Variants in PCDHGB2 observed in about 807,000 individuals in gnomAD.
PCDHGB2 encodes protocadherin gamma subfamily B, 2.
Under a neutral mutation model 59.3 loss-of-function variants are expected in PCDHGB2, and 55 were observed. The ratio of observed to expected loss-of-function variants is 0.93; its 90% confidence interval spans 0.75 to 1.16. The LOEUF (loss-of-function observed/expected upper bound fraction) is 1.16. Among genes scored for constraint, PCDHGB2 ranks in the 50% most tolerant of loss-of-function variants. The probability of loss-of-function intolerance (pLI) is 0.00; values close to 1 mark genes in which losing one functional copy is unlikely to be tolerated. For synonymous variants in PCDHGB2, 516 were observed against 512.0 expected (o/e 1.01, Z -0.11); for missense variants, 1,228 against 1,198.5 (o/e 1.02, Z -0.36).
Position 141,422,774 on chromosome 5 carries a change from A to G in PCDHGB2, c.2421+60218A>G, listed in dbSNP as rs372343628. On this transcript the variant is annotated intron_variant, in intron 1 of 3. Coordinates refer to ENST00000522605, the MANE Select transcript of PCDHGB2 (RefSeq NM_018923.3). ...ATTAACTCCAACACTGGTGTTCTCT[A>G]TGCCCTACAATCCTTCGACTATGAG... 100 of 1,613,880 alleles carry G rather than the reference A, an allele frequency of 6.2e-5. 1 individual carries two copies. In the Middle Eastern group the frequency reaches 1.3e-3, roughly 21 times the overall value.
intron 1 of PCDHGB2, among the ~76,000 whole-genome samples, chr5:141,368,347 A>C (rs1019571086): frequency 1.3e-5 from 2 of 152,112 alleles, no homozygotes; most frequent in Non-Finnish European, 2.9e-5. Context: ...ATACATATAC[A>C]CACACATATA....
intron 1 of PCDHGB2, chr5:141,394,860 G>C (rs750446579): frequency 5.0e-6 from 8 of 1,613,674 alleles, no homozygotes; most frequent in Non-Finnish European, 5.9e-6. Flanking sequence ...GCCTTCGGTC[G>C]ACCCGAACGA....
chr5:141,507,735 C>T (rs942364858), intron 3 of PCDHGB2, among the ~76,000 whole-genome samples: 3 of 152,268 alleles, frequency 2.0e-5, no homozygotes, highest in Non-Finnish European at 2.9e-5. Flanking sequence ...TCATGCAGCT[C>T]GTTCCCCTGT....
In PCDHGB2 at chr5:141,489,335, G is replaced by A. The variant is rs138015049; in HGVS notation, c.2422-5472G>A. The A allele has an allele frequency of 8.2e-5, 132 of 1,607,244 alleles. No individual in the cohort carries two copies. The African/African-American group carries it at 1.5e-3, about 18-fold the overall frequency. On this transcript the variant is annotated intron_variant, in intron 1 of 3. Transcript: ENST00000522605. This position sits in a 1 kb window ranked among gnomAD's most constrained non-coding sequence, Gnocchi z 4.5. ...TGGGGCTGGGTGTCTGGGCAGCTTC[G>A]TTACTCAGTGGTGGAGGAGTCTGAG...
At chr5:141,405,649 T>C (rs954605890) in intron 1 of PCDHGB2, 14 of 527,576 alleles carry the variant, frequency 2.7e-5, no homozygotes, top group Non-Finnish European at 6.7e-6. Flanking sequence ...TAATTTTTTG[T>C]GTGTTTTTAG....
Position 141,490,345 on chromosome 5 carries a change from G to C in PCDHGB2, c.2422-4462G>C, listed in dbSNP as rs2099698831. On this transcript the variant is annotated intron_variant, in intron 1 of 3. Coordinates refer to ENST00000522605, the MANE Select transcript of PCDHGB2 (RefSeq NM_018923.3). This position sits in a 1 kb window ranked among gnomAD's most constrained non-coding sequence, Gnocchi z 5.4. ...AGAGAGCACACCAGTGGGCACAGTA[G>C]TGGGGTTGTTTAATGTGCGAGACCG... is the stretch of plus-strand genomic sequence containing the variant. 1 of 1,614,216 alleles carries C rather than the reference G, an allele frequency of 6.2e-7. No homozygotes were observed. Among genetic ancestry groups the C allele is most frequent in the Non-Finnish European group, 8.5e-7 (1 of 1,180,034 alleles).
chr5:141,432,610 C>T lies in PCDHGB2; in HGVS notation c.2422-62197C>T, dbSNP rs1481968343. 9.3e-6 allele frequency: 15 copies of T among 1,613,954 alleles called. No homozygotes were observed. Among genetic ancestry groups the T allele is most frequent in the Non-Finnish European group, 1.3e-5 (15 of 1,179,978 alleles). On this transcript the variant is annotated intron_variant, in intron 1 of 3. Transcript: ENST00000522605. This position sits in a 1 kb window ranked among gnomAD's most constrained non-coding sequence, Gnocchi z 6.0. The stretch of plus-strand genomic sequence containing the variant: ...TCAAGGCCAGCGAGCCGGGACTCTT[C>T]TCGGTGGGTCTGCACACGGGCGAGG...
chr5:141,498,390 T>C (rs2099783500), intron 2 of PCDHGB2, among the ~76,000 whole-genome samples: 1 of 151,982 alleles, frequency 6.6e-6, no homozygotes, highest in Non-Finnish European at 1.5e-5. Context: ...ATCAAGGGAA[T>C]GGCAGGGAGT....
At position 141,438,243 on chromosome 5, in the gene PCDHGB2, A is replaced by C. The variant is rs1445738408; in HGVS notation, c.2422-56564A>C. ...TGGTTCAGGAAAATGTTTTTAAAAA[A>C]CTGTCATTGAAGAGACCATAGAATC... On this transcript the variant is annotated intron_variant, in intron 1 of 3. Coordinates refer to ENST00000522605, the MANE Select transcript of PCDHGB2 (RefSeq NM_018923.3). Among the ~76,000 whole-genome samples, 3 of 152,250 alleles carry C rather than the reference A, an allele frequency of 2.0e-5. No individual in the cohort carries two copies. In the East Asian group the frequency reaches 5.8e-4, roughly 29 times the overall value.
chr5:141,503,212 C>G (rs1227936455), intron 2 of PCDHGB2, among the ~76,000 whole-genome samples: 1 of 152,074 alleles, frequency 6.6e-6, no homozygotes, highest in African/African-American at 2.4e-5. Flanking sequence ...CAGTGCCCAC[C>G]ATGAGCACCG....
intron 3 of PCDHGB2, among the ~76,000 whole-genome samples, chr5:141,509,745 T>C (rs1456852988): frequency 6.6e-6 from 1 of 152,186 alleles, no homozygotes; most frequent in East Asian, 1.9e-4. Context: ...TCTGAGCCTG[T>C]GCCTAAAGTG....
rs1212478322 is a variant in PCDHGB2 at position 141,485,871 on chromosome 5, T to G, written c.2422-8936T>G. ...ACCGCAGAGCTCCGGGTATCCGTGC[T>G]GGACGTAAACGACAACGCCCCAGCC... On this transcript the variant is annotated intron_variant, in intron 1 of 3. Coordinates refer to ENST00000522605, the MANE Select transcript of PCDHGB2 (RefSeq NM_018923.3). The surrounding 1 kb of genome is among the most constrained non-coding windows in gnomAD (Gnocchi z 5.7). 6.2e-7 allele frequency: 1 copy of G among 1,614,196 alleles called. No homozygotes were observed. The highest frequency in any genetic ancestry group is 8.5e-7 in the Non-Finnish European group (1 of 1,180,032).
Position 141,374,740 on chromosome 5 carries a change from C to T in PCDHGB2, c.2421+12184C>T, listed in dbSNP as rs1337639511. On this transcript the variant is annotated intron_variant, in intron 1 of 3. Transcript: ENST00000522605. ...TCCTTACTGCCATGGATGGCGGCGA[C>T]CCTGTCCGCTCAAGCGTCGCCCAAA... 7 of 1,611,592 alleles carry T rather than the reference C, an allele frequency of 4.3e-6. No homozygotes were observed. In the South Asian group the frequency reaches 6.6e-5, roughly 15 times the overall value.
At chr5:141,386,253 A>G (rs539545859) in intron 1 of PCDHGB2, among the ~76,000 whole-genome samples, 1 of 152,364 alleles carries the variant, frequency 6.6e-6, no homozygotes, top group Admixed American at 6.5e-5. Context: ...AAATAACCCA[A>G]TCTGGGATTA....
chr5:141,503,781 G>A (rs1393561411), intron 2 of PCDHGB2, among the ~76,000 whole-genome samples: 1 of 152,110 alleles, frequency 6.6e-6, no homozygotes, highest in East Asian at 1.9e-4. Flanking sequence ...TTCTTAGGCT[G>A]AGTTCATCTA....
At position 141,431,280 on chromosome 5, in the gene PCDHGB2, C is replaced by G; in HGVS notation, c.2422-63527C>G. ...TCTCTGCAGAGCTACGAGCTCAGCC[C>G]GAACACTCACTTCTCCCTCATCGTG... On this transcript the variant is annotated intron_variant, in intron 1 of 3. Transcript: ENST00000522605. This position sits in a 1 kb window ranked among gnomAD's most constrained non-coding sequence, Gnocchi z 4.8. The G allele has an allele frequency of 6.2e-7, 1 of 1,614,146 alleles. No homozygotes were observed. The highest frequency in any genetic ancestry group is 8.5e-7 in the Non-Finnish European group (1 of 1,180,040).
At chr5:141,417,585 G>T in intron 1 of PCDHGB2, 1 of 462,794 alleles carries the variant, frequency 2.2e-6, no homozygotes, top group South Asian at 4.9e-5. Context: ...GTCCCACACA[G>T]AGCCTCTGGG....
intron 1 of PCDHGB2, chr5:141,379,619 T>C (rs1045405424): frequency 6.6e-6 from 1 of 152,170 alleles, no homozygotes; most frequent in African/African-American, 2.4e-5. Context: ...TTTAAACAAA[T>C]AAAATATTTC....
chr5:141,409,293 T>G, intron 1 of PCDHGB2: 1 of 1,613,992 alleles, frequency 6.2e-7, no homozygotes, highest in Non-Finnish European at 8.5e-7. Flanking sequence ...CCTCCAGGAA[T>G]GGTTGTTGCC....
Sources: allele counts gnomAD v4.1 joint callset (sites outside exome capture counted in the v4.1 genomes callset), GRCh38; gene constraint gnomAD v4.1.1; non-coding constraint Gnocchi (gnomAD v3.1); transcripts MANE v1.5; gene names NCBI Gene and HGNC (gene_info 2026-07-23, HGNC 2026-07-21).